Variants in TENM4 observed in about 807,000 individuals in gnomAD.
The protein encoded by TENM4 is teneurin transmembrane protein 4.
A neutral mutation model predicts 243.3 loss-of-function variants in TENM4; 82 were observed. The ratio of observed to expected loss-of-function variants is 0.34; its 90% CI spans 0.28 to 0.40. The LOEUF (loss-of-function observed/expected upper bound fraction) is 0.40. Ranked by LOEUF, TENM4 falls within the 10% of genes least tolerant of loss-of-function variation. The probability of loss-of-function intolerance (pLI) is 1.00; values close to 1 mark genes in which losing one functional copy is unlikely to be tolerated. For missense variants in TENM4, 3,138 were observed against 3,673.3 expected (o/e 0.85, Z 3.77); for synonymous variants, 1,412 against 1,456.3 (o/e 0.97, Z 0.69).
Position 78,708,630 on chromosome 11 carries a change from T to C in TENM4, c.4055-115A>G. The C allele has an allele frequency of 2.5e-6, 3 of 1,210,654 alleles. No individual in the cohort carries two copies. In the South Asian group the frequency reaches 4.5e-5, roughly 18 times the overall value. The allele number at this position is 1,210,654 out of a possible 1,614,324, so 75.0% of individuals were successfully genotyped here. On this transcript the variant is annotated intron_variant, in intron 26 of 33. Coordinates refer to ENST00000278550, the MANE Select transcript of TENM4 (RefSeq NM_001098816.3). ...TCCTCTACATGATTGGGTTTGAGCC[T>C]CCCACAACCTTCATTCCTCTCTCAA...
intron 4 of TENM4, among the ~76,000 whole-genome samples, chr11:79,141,205 A>C (rs1011449894): frequency 2.0e-5 from 3 of 152,080 alleles, no homozygotes; most frequent in African/African-American, 7.2e-5. Context: ...GATTAGATTA[A>C]ATCAGCGGCT....
intron 23 of TENM4, among the ~76,000 whole-genome samples, chr11:78,725,780 T>C (rs912383090): frequency 1.3e-5 from 2 of 152,240 alleles, no homozygotes; most frequent in African/African-American, 2.4e-5. Flanking sequence ...CTAGCCTTCA[T>C]AGTGCCCTGT....
chr11:78,945,752 C>G (rs989750606), intron 6 of TENM4, among the ~76,000 whole-genome samples: 2 of 152,094 alleles, frequency 1.3e-5, no homozygotes, highest in African/African-American at 2.4e-5. Context: ...GGCAAAACAG[C>G]CTTTTTGCTG....
chr11:79,092,004 C>T (rs1431643400), intron 4 of TENM4, among the ~76,000 whole-genome samples: 1 of 152,182 alleles, frequency 6.6e-6, no homozygotes, highest in Non-Finnish European at 1.5e-5. Context: ...CATCATCCCT[C>T]ACTTCCCCAA....
chr11:79,192,485 C>CTGAAACATG (rs1863536386), intron 3 of TENM4, among the ~76,000 whole-genome samples: 1 of 152,274 alleles, frequency 6.6e-6, no homozygotes, highest in African/African-American at 2.4e-5. Flanking sequence ...CCTGTGCTCT[C>CTGAAACATG]TGAAACATGT....
chr11:79,117,708 T>G (rs966830620), intron 4 of TENM4, among the ~76,000 whole-genome samples: 1 of 152,176 alleles, frequency 6.6e-6, no homozygotes, highest in African/African-American at 2.4e-5. Flanking sequence ...CTTGACAGGG[T>G]GTGGTAAGGC....
At chr11:79,035,552 A>C (rs1859355883) in intron 6 of TENM4, among the ~76,000 whole-genome samples, 1 of 151,678 alleles carries the variant, frequency 6.6e-6, no homozygotes, top group South Asian at 2.1e-4. Flanking sequence ...AAAAAAAAAA[A>C]AGAAGGAAAA....
At chr11:79,141,410 A>ATT (rs1565221644) in intron 4 of TENM4, among the ~76,000 whole-genome samples, 1 of 151,880 alleles carries the variant, frequency 6.6e-6, no homozygotes, top group African/African-American at 2.4e-5. Context: ...ATAAATTCCT[A>ATT]GACATACACA....
At chr11:79,001,628 T>G (rs2136705036) in intron 6 of TENM4, among the ~76,000 whole-genome samples, 1 of 152,306 alleles carries the variant, frequency 6.6e-6, no homozygotes, top group African/African-American at 2.4e-5. Context: ...TCTCCATGGC[T>G]TACTATTCTC....
intron 1 of TENM4, among the ~76,000 whole-genome samples, chr11:79,436,113 G>A (rs1054819549): frequency 1.3e-5 from 2 of 152,304 alleles, no homozygotes; most frequent in African/African-American, 2.4e-5. Flanking sequence ...GGATAAGGAG[G>A]TAGAAAGGAA....
At chr11:79,374,977 T>C (rs1857863903) in intron 1 of TENM4, among the ~76,000 whole-genome samples, 1 of 152,238 alleles carries the variant, frequency 6.6e-6, no homozygotes, top group Non-Finnish European at 1.5e-5. Flanking sequence ...TTGCCCTTTT[T>C]TCTGGGCATT....
At chr11:79,386,238 G>A (rs745803732) in intron 1 of TENM4, among the ~76,000 whole-genome samples, 7 of 152,062 alleles carry the variant, frequency 4.6e-5, no homozygotes, top group East Asian at 1.9e-4. Context: ...CCTTGATCAC[G>A]ATTTCATACT....
intron 4 of TENM4, among the ~76,000 whole-genome samples, chr11:79,135,762 TATC>T (rs1862098105): frequency 7.1e-6 from 1 of 140,292 alleles, no homozygotes; most frequent in African/African-American, 2.6e-5. Context: ...TATATGTATA[TATC>T]ATATATACAT....
intron 2 of TENM4, among the ~76,000 whole-genome samples, chr11:79,283,348 G>A (rs529935848): frequency 7.8e-4 from 118 of 151,072 alleles, no homozygotes; most frequent in South Asian, 7.3e-3. Flanking sequence ...CCAACAACAC[G>A]TAAAAAGAAC....
At chr11:78,852,341 A>C (rs1858559308) in intron 12 of TENM4, among the ~76,000 whole-genome samples, 1 of 152,216 alleles carries the variant, frequency 6.6e-6, no homozygotes, top group Admixed American at 6.5e-5. Context: ...ACAAAGGGCA[A>C]ATTTCAAGTA....
intron 1 of TENM4, among the ~76,000 whole-genome samples, chr11:79,355,883 A>G (rs1857488937): frequency 6.6e-6 from 1 of 152,236 alleles, no homozygotes; most frequent in African/African-American, 2.4e-5. Context: ...GAACAAATTT[A>G]TGCAATACAG....
At chr11:78,919,360 A>G (rs1393444621) in intron 6 of TENM4, among the ~76,000 whole-genome samples, 1 of 152,084 alleles carries the variant, frequency 6.6e-6, no homozygotes, top group Non-Finnish European at 1.5e-5. Context: ...AGGTAGAGCC[A>G]GGATCCAAAT....
chr11:78,708,013 A>C (rs1859298916), intron 27 of TENM4, among the ~76,000 whole-genome samples: 11 of 152,248 alleles, frequency 7.2e-5, no homozygotes, highest in Admixed American at 6.5e-4. Context: ...AGAACAGGCA[A>C]TGTACAAATA....
At chr11:78,797,602 T>C (rs759975211) in intron 15 of TENM4, among the ~76,000 whole-genome samples, 1 of 152,238 alleles carries the variant, frequency 6.6e-6, no homozygotes, top group Non-Finnish European at 1.5e-5. Context: ...TTTAGCAGCA[T>C]GCTTGTCTGG....
Sources: gnomAD v4.1 joint callset for allele counts (sites outside exome capture counted in the v4.1 genomes callset) on GRCh38, gnomAD v4.1.1 for gene constraint, MANE v1.5 for transcripts, NCBI Gene and HGNC (gene_info 2026-07-23, HGNC 2026-07-21) for gene names.